RAB31: variants seen among roughly 807,000 people sequenced by gnomAD.
RAB31 encodes ras-related protein Rab-31.
RAB31 carries 21 observed loss-of-function variants against 25.6 expected under a neutral mutation model. That is an observed-to-expected ratio of 0.82 (90% CI 0.58 to 1.18). The LOEUF (loss-of-function observed/expected upper bound fraction) is 1.18, where lower values mean the gene tolerates loss of function less well. RAB31 is among the 50% of genes most tolerant of loss of function. The pLI is 0.00. For synonymous variants in RAB31, 87 were observed against 84.0 expected (o/e 1.04, Z -0.20); for missense variants, 196 against 250.1 (o/e 0.78, Z 1.46).
intron 3 of RAB31, among the ~76,000 whole-genome samples, chr18:9,792,523 G>T (rs898939058): frequency 6.6e-6 from 1 of 152,080 alleles, no homozygotes; most frequent in Non-Finnish European, 1.5e-5. Context: ...TCTCGATTTG[G>T]TTCATTTTTA....
chr18:9,756,993 C>T (rs752530711), intron 1 of RAB31, among the ~76,000 whole-genome samples: 2 of 152,228 alleles, frequency 1.3e-5, no homozygotes, highest in Non-Finnish European at 2.9e-5. Flanking sequence ...TGACATGCTC[C>T]TACCAGAGTT....
chr18:9,738,849 C>T (rs1454331745), intron 1 of RAB31, among the ~76,000 whole-genome samples: 1 of 152,110 alleles, frequency 6.6e-6, no homozygotes, highest in Non-Finnish European at 1.5e-5. Flanking sequence ...CTCAGCCTCC[C>T]GCTGTGGGAT....
intron 2 of RAB31, among the ~76,000 whole-genome samples, chr18:9,782,344 G>A (rs2068409599): frequency 6.6e-6 from 1 of 152,174 alleles, no homozygotes; most frequent in Non-Finnish European, 1.5e-5. Context: ...TCACACCAGT[G>A]AGTCCACTCT....
At chr18:9,790,936 A>G (rs1370538260) in intron 2 of RAB31, among the ~76,000 whole-genome samples, 1 of 152,208 alleles carries the variant, frequency 6.6e-6, no homozygotes, top group Non-Finnish European at 1.5e-5. Context: ...CATTCCTGGT[A>G]TTTTTATACT....
At chr18:9,759,129 C>T (rs749879612) in intron 1 of RAB31, among the ~76,000 whole-genome samples, 7 of 152,082 alleles carry the variant, frequency 4.6e-5, no homozygotes, top group Non-Finnish European at 7.4e-5. Context: ...TGAAACATGG[C>T]GGCTCGGCTA....
At chr18:9,709,249 CG>C (rs1306482591) in intron 1 of RAB31, among the ~76,000 whole-genome samples, 1 of 152,186 alleles carries the variant, frequency 6.6e-6, no homozygotes, top group Non-Finnish European at 1.5e-5. Flanking sequence ...CGCAGGGAGC[CG>C]CTGGCGAACC....
chr18:9,808,784 G>A (rs927516949), intron 3 of RAB31, among the ~76,000 whole-genome samples: 5 of 152,210 alleles, frequency 3.3e-5, no homozygotes, highest in South Asian at 4.1e-4. Context: ...CCATCACTCC[G>A]AGTTCCTGGA....
At chr18:9,858,233 G>C (rs776877963) in intron 6 of RAB31, among the ~76,000 whole-genome samples, 1 of 152,190 alleles carries the variant, frequency 6.6e-6, no homozygotes, top group Non-Finnish European at 1.5e-5. Context: ...AAGTGCTCAA[G>C]TTCTCGAGTC....
intron 1 of RAB31, among the ~76,000 whole-genome samples, chr18:9,710,404 C>A (rs1163764073): frequency 6.6e-6 from 1 of 152,222 alleles, no homozygotes; most frequent in Non-Finnish European, 1.5e-5. Context: ...CTCTTTACTT[C>A]TTTTATCTCC....
chr18:9,800,188 G>A (rs1252166846), intron 3 of RAB31, among the ~76,000 whole-genome samples: 1 of 152,168 alleles, frequency 6.6e-6, no homozygotes, highest in Non-Finnish European at 1.5e-5. Flanking sequence ...TCATAAATAA[G>A]GCATGCGTTC....
At chr18:9,798,866 G>A (rs2068500038) in intron 3 of RAB31, among the ~76,000 whole-genome samples, 1 of 152,150 alleles carries the variant, frequency 6.6e-6, no homozygotes, top group Non-Finnish European at 1.5e-5. Flanking sequence ...GAGGCGGGCA[G>A]ATCACGAGGT....
intron 6 of RAB31, among the ~76,000 whole-genome samples, chr18:9,857,690 A>AGATAGATAGATAGAT (rs1568198157): frequency 1.2e-5 from 1 of 86,578 alleles, no homozygotes; most frequent in Non-Finnish European, 2.3e-5. Flanking sequence ...GATAGATGAT[A>AGATAGATAGATAGAT]GATAGATAGA....
At chr18:9,808,879 G>T (rs1419284103) in intron 3 of RAB31, among the ~76,000 whole-genome samples, 3 of 152,196 alleles carry the variant, frequency 2.0e-5, no homozygotes, top group Admixed American at 1.3e-4. Context: ...GAAACTTCAT[G>T]TATTTTCCAC....
chr18:9,800,207 G>C (rs1016391487), intron 3 of RAB31, among the ~76,000 whole-genome samples: 2 of 152,196 alleles, frequency 1.3e-5, no homozygotes, highest in Non-Finnish European at 2.9e-5. Context: ...TCATGAAGAG[G>C]TGAAGAGCTG....
chr18:9,739,870 AG>A (rs1187775248), intron 1 of RAB31, among the ~76,000 whole-genome samples: 1 of 152,236 alleles, frequency 6.6e-6, no homozygotes, highest in Non-Finnish European at 1.5e-5. Flanking sequence ...GCTAAAACTC[AG>A]GGTTCTTTTT....
In RAB31 at chr18:9,708,731, G is replaced by A. The variant is rs1174243454; in HGVS notation, c.39+287G>A. Among the ~76,000 whole-genome samples the A allele has an allele frequency of 6.6e-6, 1 of 152,194 alleles. No individual in the cohort carries two copies. Among genetic ancestry groups the A allele is most frequent in the Middle Eastern group, 3.4e-3 (1 of 292 alleles). Reference sequence around the variant, plus strand: ...TCCGCCCCCGCTCTCACCCTGCCGGGGTCCGGGTCCGAGCCTGCCCCGGGC... The same window carrying A: ...TCCGCCCCCGCTCTCACCCTGCCGGAGTCCGGGTCCGAGCCTGCCCCGGGC... On this transcript the variant is annotated intron_variant, in intron 1 of 6. Transcript: ENST00000578921. This position sits in a 1 kb window ranked among gnomAD's most constrained non-coding sequence, Gnocchi z 6.4.
intron 5 of RAB31, among the ~76,000 whole-genome samples, chr18:9,817,272 G>A (rs928020223): frequency 4.6e-5 from 7 of 152,116 alleles, no homozygotes; most frequent in Non-Finnish European, 8.8e-5. Flanking sequence ...TATGTATTGT[G>A]GGAATGCTGG....
chr18:9,768,632 C>T (rs927561086), intron 1 of RAB31, among the ~76,000 whole-genome samples: 2 of 151,970 alleles, frequency 1.3e-5, no homozygotes, highest in Admixed American at 6.6e-5. Context: ...AAATTTTTCT[C>T]CCATTCTGTA....
intron 1 of RAB31, among the ~76,000 whole-genome samples, chr18:9,712,055 G>C (rs1364353703): frequency 6.6e-6 from 1 of 152,228 alleles, no homozygotes; most frequent in African/African-American, 2.4e-5. Context: ...ATTTGCAGCA[G>C]GTGGGAGTGA....
Sources: allele counts gnomAD v4.1 joint callset (sites outside exome capture counted in the v4.1 genomes callset), GRCh38; gene constraint gnomAD v4.1.1; non-coding constraint Gnocchi (gnomAD v3.1); transcripts MANE v1.5; gene names NCBI Gene and HGNC (gene_info 2026-07-23, HGNC 2026-07-21).